The following CDH18 variants were observed in gnomAD, a reference collection of about 807,000 sequenced individuals.
The protein encoded by CDH18 is cadherin-18.
CDH18 carries 31 observed loss-of-function variants against 67.9 expected under a neutral mutation model. The observed-to-expected ratio is 0.46, with a 90% CI of 0.34 to 0.62. The LOEUF (loss-of-function observed/expected upper bound fraction) is 0.62, where lower values mean the gene tolerates loss of function less well. Ranked by LOEUF, CDH18 falls within the 20% of genes least tolerant of loss-of-function variation. The probability of loss-of-function intolerance (pLI) is 0.01; values close to 1 mark genes in which losing one functional copy is unlikely to be tolerated. For missense variants in CDH18, 890 were observed against 975.5 expected (o/e 0.91, Z 1.17); for synonymous variants, 362 against 347.2 (o/e 1.04, Z -0.48).
At chr5:19,702,494 G>C (rs1345396571) in intron 5 of CDH18, among the ~76,000 whole-genome samples, 2 of 151,652 alleles carry the variant, frequency 1.3e-5, no homozygotes, top group Non-Finnish European at 2.9e-5. Context: ...AGCCGGGCGT[G>C]GTGGCTCACA....
chr5:20,046,288 G>C (rs1740885139), intron 2 of CDH18, among the ~76,000 whole-genome samples: 1 of 151,932 alleles, frequency 6.6e-6, no homozygotes, highest in Non-Finnish European at 1.5e-5. Context: ...TAAGTACTCA[G>C]AAGAATGAAG....
At chr5:19,544,066 A>C in intron 8 of CDH18, 61 bp from the exon 9 acceptor site, 1 of 831,220 alleles carries the variant, frequency 1.2e-6, no homozygotes, top group Middle Eastern at 3.2e-4. Flanking sequence ...AACTGAACCA[A>C]GGAAAGTATT....
At chr5:19,587,062 T>A (rs1050255725) in intron 7 of CDH18, among the ~76,000 whole-genome samples, 7 of 152,284 alleles carry the variant, frequency 4.6e-5, no homozygotes, top group Non-Finnish European at 1.0e-4. Flanking sequence ...TGAGGTTTTT[T>A]TTTTCTTGCA....
At chr5:20,121,874 C>T (rs757259477) in intron 2 of CDH18, among the ~76,000 whole-genome samples, 2 of 151,986 alleles carry the variant, frequency 1.3e-5, no homozygotes, top group Non-Finnish European at 2.9e-5. Flanking sequence ...AAAACAAGAC[C>T]ACAAAAACGA....
chr5:20,173,109 T>G (rs1449308880), intron 2 of CDH18, among the ~76,000 whole-genome samples: 1 of 152,132 alleles, frequency 6.6e-6, no homozygotes, highest in Non-Finnish European at 1.5e-5. Context: ...GAGGCTAATG[T>G]GAACCACTGA....
chr5:19,894,135 A>G (rs1789051960), intron 2 of CDH18, among the ~76,000 whole-genome samples: 1 of 152,074 alleles, frequency 6.6e-6, no homozygotes, highest in African/African-American at 2.4e-5. Context: ...CCTCAAACAC[A>G]TTAAAGAATC....
Position 19,913,408 on chromosome 5 carries a change from A to G in CDH18, c.-257+67652T>C, listed in dbSNP as rs374733338. Among the ~76,000 whole-genome samples the G allele has an allele frequency of 2.8e-4, 42 of 152,276 alleles. 1 individual carries two copies. The East Asian group carries it at 4.4e-3, about 16-fold the overall frequency. On this transcript the variant is annotated intron_variant, in intron 2 of 12. Transcript: ENST00000382275. ...CGAAGAAGATATTAAACTTGCAACAAGAAAAAGTTAGAAACTTCGATCACA... is the reference window on the plus strand; with the variant it reads ...CGAAGAAGATATTAAACTTGCAACAGGAAAAAGTTAGAAACTTCGATCACA...
At chr5:20,050,800 G>T (rs1334251808) in intron 2 of CDH18, among the ~76,000 whole-genome samples, 6 of 151,836 alleles carry the variant, frequency 4.0e-5, no homozygotes, top group African/African-American at 1.4e-4. Flanking sequence ...TTCTAACCAA[G>T]AAAGTTCTAT....
intron 5 of CDH18, among the ~76,000 whole-genome samples, chr5:19,623,260 A>G (rs1375462853): frequency 6.6e-6 from 1 of 152,248 alleles, no homozygotes; most frequent in Admixed American, 6.5e-5. Flanking sequence ...TAGTCAACAC[A>G]TAGAACACGA....
At chr5:19,705,351 T>TG (rs1763816669) in intron 5 of CDH18, among the ~76,000 whole-genome samples, 1 of 152,144 alleles carries the variant, frequency 6.6e-6, no homozygotes, top group Non-Finnish European at 1.5e-5. Flanking sequence ...AGGGATCAAT[T>TG]GAAAACATTA....
Position 20,419,462 on chromosome 5 carries a change from G to GTTTTTTTTTT in CDH18, c.-580+155990_-580+155999dup, listed in dbSNP as rs202130030. Among the ~76,000 whole-genome samples the GTTTTTTTTTT allele has an allele frequency of 4.0e-4, 30 of 75,654 alleles. 2 individuals carry two copies. The highest frequency in any genetic ancestry group is 8.5e-4 in the African/African-American group (14 of 16,470). The allele number at this position is 75,654 out of a possible 152,430, so 49.6% of individuals were successfully genotyped here. Reference sequence around the variant, plus strand: ...CCAACCACCCAGGGTATGGGACTCTGTTTTTTTTTTTTTTTTTTTTTTTTT... The same window carrying GTTTTTTTTTT: ...CCAACCACCCAGGGTATGGGACTCTGTTTTTTTTTTTTTTTTTTTTTTTTTTTTTTTTTTT... On this transcript the variant is annotated intron_variant, in intron 1 of 14. Transcript: ENST00000507958.
chr5:19,778,746 T>C (rs1554031729), intron 3 of CDH18, among the ~76,000 whole-genome samples: 1 of 151,632 alleles, frequency 6.6e-6, no homozygotes, highest in Non-Finnish European at 1.5e-5. Flanking sequence ...AAAACCATAA[T>C]AAAAAAAAAT....
intron 1 of CDH18, among the ~76,000 whole-genome samples, chr5:20,489,594 A>G (rs2126375939): frequency 6.6e-6 from 1 of 152,174 alleles, no homozygotes; most frequent in East Asian, 1.9e-4. Context: ...AGTTTGTAAT[A>G]TATTTAAATA....
chr5:19,993,484 T>C (rs1374312795), intron 2 of CDH18, among the ~76,000 whole-genome samples: 2 of 152,118 alleles, frequency 1.3e-5, no homozygotes, highest in Non-Finnish European at 2.9e-5. Context: ...TTAATTAATG[T>C]ATATTTTTGT....
At chr5:20,072,586 T>C (rs1743575927) in intron 2 of CDH18, among the ~76,000 whole-genome samples, 1 of 151,934 alleles carries the variant, frequency 6.6e-6, no homozygotes, top group South Asian at 2.1e-4. Flanking sequence ...AAATCAATCA[T>C]ATTTAACAAA....
At chr5:19,621,723 C>A (rs1426197353) in intron 5 of CDH18, among the ~76,000 whole-genome samples, 7 of 151,992 alleles carry the variant, frequency 4.6e-5, no homozygotes, top group Non-Finnish European at 1.0e-4. Context: ...TTTAGATGTG[C>A]AAGATGAATA....
chr5:20,528,723 C>T (rs1334707917), intron 1 of CDH18, among the ~76,000 whole-genome samples: 1 of 151,984 alleles, frequency 6.6e-6, no homozygotes, highest in Admixed American at 6.6e-5. Context: ...ATACCAGAAT[C>T]TCAGGGACAC....
intron 1 of CDH18, among the ~76,000 whole-genome samples, chr5:20,497,076 A>G (rs961755621): frequency 6.6e-6 from 1 of 152,074 alleles, no homozygotes; most frequent in Admixed American, 6.6e-5. Flanking sequence ...GGAAAAGCAA[A>G]TGTCAAAAGG....
At chr5:20,210,136 T>A (rs78081810) in intron 2 of CDH18, among the ~76,000 whole-genome samples, 16,169 of 151,812 alleles carry the variant, frequency 0.11, 1,203 homozygotes, top group African/African-American at 0.21. Context: ...ATTTTCCTCT[T>A]TAAAATTTTA....
Sources: allele counts gnomAD v4.1 joint callset (sites outside exome capture counted in the v4.1 genomes callset), GRCh38; gene constraint gnomAD v4.1.1; transcripts MANE v1.5; gene names NCBI Gene and HGNC (gene_info 2026-07-23, HGNC 2026-07-21).